The following NEGR1 variants were observed in gnomAD, a reference collection of about 807,000 sequenced individuals.
The protein encoded by NEGR1 is neuronal growth regulator 1.
In NEGR1, 10 loss-of-function variants were observed where a neutral mutation model predicts 40.9. The observed-to-expected ratio is 0.24, with a 90% confidence interval of 0.15 to 0.42. The LOEUF (loss-of-function observed/expected upper bound fraction) is 0.42, where lower values mean the gene tolerates loss of function less well. NEGR1 is among the 10% of genes least tolerant of loss of function. The pLI is 1.00. For missense variants in NEGR1, 352 were observed against 438.9 expected, an observed-to-expected ratio of 0.80 and a Z score of 1.77; for synonymous variants, 185 against 166.8, an observed-to-expected ratio of 1.11 and a Z score of -0.84.
intron 1 of NEGR1, among the ~76,000 whole-genome samples, chr1:72,220,422 C>T (rs1310848805): frequency 6.6e-6 from 1 of 151,910 alleles, no homozygotes; most frequent in East Asian, 1.9e-4. Context: ...GTCCTCTCCT[C>T]TTCTCTTCCC....
chr1:71,932,981 T>C (rs1645869268), intron 2 of NEGR1, among the ~76,000 whole-genome samples: 1 of 152,166 alleles, frequency 6.6e-6, no homozygotes, highest in South Asian at 2.1e-4. Context: ...ACCGCCTACA[T>C]GTCAATCAAC....
chr1:71,810,173 A>G (rs1017843703), intron 2 of NEGR1, among the ~76,000 whole-genome samples: 1 of 152,152 alleles, frequency 6.6e-6, no homozygotes, highest in Non-Finnish European at 1.5e-5. Context: ...GGTAAGGCAG[A>G]GGTTAAGCTA....
At chr1:72,041,336 GC>G (rs1167364468) in intron 1 of NEGR1, among the ~76,000 whole-genome samples, 1 of 151,364 alleles carries the variant, frequency 6.6e-6, no homozygotes, top group African/African-American at 2.4e-5. Context: ...TTAATATATA[GC>G]TTTGGTATTT....
intron 2 of NEGR1, among the ~76,000 whole-genome samples, chr1:71,894,476 A>G (rs919217111): frequency 2.0e-5 from 3 of 152,188 alleles, no homozygotes; most frequent in Admixed American, 1.3e-4. Flanking sequence ...AACACTTTAC[A>G]TGGATAATAT....
intron 1 of NEGR1, among the ~76,000 whole-genome samples, chr1:72,124,844 A>T (rs1224833783): frequency 6.6e-6 from 1 of 152,134 alleles, no homozygotes; most frequent in East Asian, 1.9e-4. Context: ...TGGTAAAATA[A>T]CTTCATTTGA....
chr1:71,719,352 T>C (rs1348065963), intron 3 of NEGR1, among the ~76,000 whole-genome samples: 8 of 152,112 alleles, frequency 5.3e-5, no homozygotes, highest in Non-Finnish European at 1.0e-4. Flanking sequence ...GAAAGAACAA[T>C]AGAACAAATA....
At chr1:71,415,229 A>C (rs1646347726) in intron 6 of NEGR1, among the ~76,000 whole-genome samples, 1 of 152,140 alleles carries the variant, frequency 6.6e-6, no homozygotes, top group African/African-American at 2.4e-5. Context: ...TCATTTTTAC[A>C]GAAAATCTCT....
intron 4 of NEGR1, among the ~76,000 whole-genome samples, chr1:71,633,230 T>A (rs1310871956): frequency 1.3e-5 from 2 of 152,102 alleles, no homozygotes; most frequent in African/African-American, 4.8e-5. Context: ...CCAGTTTGTA[T>A]GTTTTCTACA....
At chr1:71,449,253 G>A (rs1211382103) in intron 6 of NEGR1, among the ~76,000 whole-genome samples, 1 of 152,170 alleles carries the variant, frequency 6.6e-6, no homozygotes, top group Non-Finnish European at 1.5e-5. Context: ...CACAATATAA[G>A]CTAGCCCAAT....
At chr1:71,424,929 A>G (rs1369402738) in intron 6 of NEGR1, among the ~76,000 whole-genome samples, 1 of 152,214 alleles carries the variant, frequency 6.6e-6, no homozygotes, top group Non-Finnish European at 1.5e-5. Flanking sequence ...AACCTAGTTA[A>G]GTCATATTGC....
intron 3 of NEGR1, among the ~76,000 whole-genome samples, chr1:71,712,334 C>T (rs1654126716): frequency 6.6e-6 from 1 of 152,156 alleles, no homozygotes. Flanking sequence ...CTTGTAGTCC[C>T]ACAGGGAGGG....
chr1:71,559,019 G>GTGTGCA (rs377263417), intron 6 of NEGR1, among the ~76,000 whole-genome samples: 1 of 114,050 alleles, frequency 8.8e-6, no homozygotes, highest in Non-Finnish European at 1.8e-5. Context: ...CTGTGTGTGT[G>GTGTGCA]TATATATATA....
intron 2 of NEGR1, among the ~76,000 whole-genome samples, chr1:71,875,031 G>A (rs1570456269): frequency 1.3e-5 from 2 of 152,020 alleles, no homozygotes; most frequent in South Asian, 4.2e-4. Context: ...ATTTTTTCTA[G>A]AGATGGGATT....
chr1:72,064,675 C>T (rs1647233098), intron 1 of NEGR1, among the ~76,000 whole-genome samples: 1 of 152,074 alleles, frequency 6.6e-6, no homozygotes, highest in African/African-American at 2.4e-5. Flanking sequence ...AAAATGTACA[C>T]TGCAACCATT....
chr1:72,160,812 C>T (rs983176498), intron 1 of NEGR1, among the ~76,000 whole-genome samples: 44 of 152,030 alleles, frequency 2.9e-4, no homozygotes, highest in African/African-American at 9.9e-4. Flanking sequence ...TAGAAAAATG[C>T]CTTATAAAAA....
chr1:72,044,163 G>T (rs909121217), intron 1 of NEGR1, among the ~76,000 whole-genome samples: 8 of 151,450 alleles, frequency 5.3e-5, no homozygotes, highest in Admixed American at 5.3e-4. Flanking sequence ...TGAACACAGT[G>T]CTTGACATAT....
intron 2 of NEGR1, among the ~76,000 whole-genome samples, chr1:71,782,044 G>A (rs1178149365): frequency 6.6e-6 from 1 of 152,104 alleles, no homozygotes; most frequent in Non-Finnish European, 1.5e-5. Flanking sequence ...TGATCTTAAA[G>A]CAGAATAGGT....
chr1:71,452,201 G>C (rs1244708737), intron 6 of NEGR1, among the ~76,000 whole-genome samples: 1 of 151,970 alleles, frequency 6.6e-6, no homozygotes, highest in Non-Finnish European at 1.5e-5. Flanking sequence ...TTTGAGCATC[G>C]AATTGGAGGG....
chr1:71,874,935 C>T (rs1660382138), intron 2 of NEGR1, among the ~76,000 whole-genome samples: 1 of 152,050 alleles, frequency 6.6e-6, no homozygotes, highest in South Asian at 2.1e-4. Context: ...CTTCAAACAT[C>T]CCAGGCTCAA....
Sources: gnomAD v4.1 joint callset for allele counts (sites outside exome capture counted in the v4.1 genomes callset) on GRCh38, gnomAD v4.1.1 for gene constraint, MANE v1.5 for transcripts, NCBI Gene and HGNC (gene_info 2026-07-23, HGNC 2026-07-21) for gene names.